PCSK5: variants seen among roughly 807,000 people sequenced by gnomAD.
PCSK5 encodes the protein proprotein convertase subtilisin/kexin type 5, also known as prohormone convertase 5.
In PCSK5, 129 loss-of-function variants were observed where a neutral mutation model predicts 233.2. The observed-to-expected ratio is 0.55, with a 90% CI of 0.48 to 0.64. The LOEUF (loss-of-function observed/expected upper bound fraction) is 0.64, where lower values mean the gene tolerates loss of function less well. PCSK5 is among the 30% of genes least tolerant of loss of function. The pLI, the probability that PCSK5 is intolerant of heterozygous loss-of-function variation, is 0.00. For synonymous variants in PCSK5, 825 were observed against 879.2 expected (o/e 0.94, Z 1.09); for missense variants, 2,076 against 2,430.1 (o/e 0.85, Z 3.06).
intron 24 of PCSK5, among the ~76,000 whole-genome samples, chr9:76,271,658 A>G (rs1426045625): frequency 6.6e-6 from 1 of 152,120 alleles, no homozygotes; most frequent in Admixed American, 6.5e-5. Flanking sequence ...CAACATAGCA[A>G]GACCCCATTT....
At chr9:76,353,457 T>C (rs1010863146) in intron 36 of PCSK5, among the ~76,000 whole-genome samples, 1 of 152,168 alleles carries the variant, frequency 6.6e-6, no homozygotes, top group Non-Finnish European at 1.5e-5. Context: ...AAAACCACAG[T>C]GTAAGCTTGA....
At chr9:76,346,440 G>A (rs550983663) in intron 35 of PCSK5, among the ~76,000 whole-genome samples, 6 of 152,226 alleles carry the variant, frequency 3.9e-5, no homozygotes, top group Non-Finnish European at 7.4e-5. Context: ...AGGAGTTAGT[G>A]GGTAAATCCT....
intron 1 of PCSK5, among the ~76,000 whole-genome samples, chr9:75,926,176 T>C (rs1412706867): frequency 6.6e-6 from 1 of 152,184 alleles, no homozygotes; most frequent in Non-Finnish European, 1.5e-5. Context: ...AGTCACTCTA[T>C]GGATTGCAAA....
At chr9:75,975,331 C>G (rs1190297090) in intron 2 of PCSK5, among the ~76,000 whole-genome samples, 1 of 151,932 alleles carries the variant, frequency 6.6e-6, no homozygotes, top group East Asian at 1.9e-4. Flanking sequence ...GAGTGTTTCT[C>G]TCCATAGAAA....
intron 24 of PCSK5, among the ~76,000 whole-genome samples, chr9:76,284,302 C>T (rs1239458048): frequency 1.3e-5 from 2 of 152,042 alleles, no homozygotes; most frequent in African/African-American, 2.4e-5. Flanking sequence ...GGGAGGGACC[C>T]GGTGGGGGGT....
intron 8 of PCSK5, among the ~76,000 whole-genome samples, chr9:76,099,794 G>A (rs1831683552): frequency 6.6e-6 from 1 of 152,158 alleles, no homozygotes; most frequent in African/African-American, 2.4e-5. Flanking sequence ...CTACAGGAAT[G>A]GCAGTGCCTG....
chr9:76,118,228 T>A (rs1832505203), intron 9 of PCSK5, among the ~76,000 whole-genome samples: 1 of 152,112 alleles, frequency 6.6e-6, no homozygotes. Flanking sequence ...GAGATGCTAT[T>A]CAGTGAGAGT....
At chr9:76,090,729 T>TG (rs1460662077) in intron 7 of PCSK5, among the ~76,000 whole-genome samples, 3 of 152,134 alleles carry the variant, frequency 2.0e-5, no homozygotes, top group Non-Finnish European at 4.4e-5. Flanking sequence ...TTTCACAGAA[T>TG]GGGGGGTTGA....
At chr9:75,999,527 A>G (rs753655460) in intron 3 of PCSK5, among the ~76,000 whole-genome samples, 25 of 152,374 alleles carry the variant, frequency 1.6e-4, no homozygotes, top group South Asian at 4.1e-4. Flanking sequence ...AATTAGAGGA[A>G]TAGGTTGGGC....
intron 5 of PCSK5, among the ~76,000 whole-genome samples, chr9:76,049,099 TAAA>T (rs33912681): frequency 1.0e-4 from 15 of 146,544 alleles, no homozygotes; most frequent in African/African-American, 3.7e-4. Flanking sequence ...TTCAAAGGGT[TAAA>T]AAAAAAAATA....
chr9:76,340,158 C>A (rs906359010), intron 35 of PCSK5, among the ~76,000 whole-genome samples: 2 of 152,096 alleles, frequency 1.3e-5, no homozygotes, highest in Admixed American at 6.6e-5. Flanking sequence ...TTTAATTAAA[C>A]AAGTCCATCC....
At chr9:76,178,379 G>A (rs551170701) in intron 14 of PCSK5, among the ~76,000 whole-genome samples, 1 of 152,254 alleles carries the variant, frequency 6.6e-6, no homozygotes, top group East Asian at 1.9e-4. Flanking sequence ...TACGTGATTT[G>A]CTACATCTAA....
chr9:76,299,906 G>C (rs1170387332), intron 27 of PCSK5, among the ~76,000 whole-genome samples: 4 of 152,114 alleles, frequency 2.6e-5, no homozygotes, highest in African/African-American at 9.7e-5. Flanking sequence ...GGTTTCCCCC[G>C]GTAGTGCTGG....
chr9:76,308,330 G>C (rs139236976), intron 28 of PCSK5, among the ~76,000 whole-genome samples: 158 of 152,336 alleles, frequency 1.0e-3, no homozygotes, highest in African/African-American at 3.4e-3. Context: ...ACACACAAAA[G>C]AAGTAATTAT....
intron 2 of PCSK5, among the ~76,000 whole-genome samples, chr9:75,940,637 C>T (rs1249885051): frequency 2.0e-5 from 3 of 152,186 alleles, no homozygotes; most frequent in Non-Finnish European, 2.9e-5. Context: ...CTCTTTTTGC[C>T]TCAAGAGTAA....
chr9:76,148,131 A>G (rs1163367184), intron 10 of PCSK5, among the ~76,000 whole-genome samples: 1 of 151,128 alleles, frequency 6.6e-6, no homozygotes, highest in Non-Finnish European at 1.5e-5. Flanking sequence ...TACAACTTTG[A>G]CCCATCTCCT....
rs548287595 is a variant in PCSK5, at chr9:76,157,525, T to C, written c.1430+363T>C. ...TACTGCGTAGTTATCCAAAGAGTGG[T>C]ACAAAATGTACGGTAAAAGAGATTG... On this transcript the variant is annotated intron_variant, in intron 11 of 37. Coordinates refer to ENST00000674117, the MANE Select transcript of PCSK5 (RefSeq NM_001372043.1). Among the ~76,000 whole-genome samples, 148 of 150,276 alleles carry C rather than the reference T, an allele frequency of 9.8e-4. 4 individuals carry two copies. Among genetic ancestry groups the C allele is most frequent in the African/African-American group, 3.6e-3 (144 of 39,686 alleles).
chr9:75,947,218 T>G (rs1824617646), intron 2 of PCSK5, among the ~76,000 whole-genome samples: 1 of 152,120 alleles, frequency 6.6e-6, no homozygotes, highest in Non-Finnish European at 1.5e-5. Flanking sequence ...GTTAAAAACT[T>G]TATGTGGCTT....
chr9:76,137,415 T>C (rs1403448627), intron 10 of PCSK5, among the ~76,000 whole-genome samples: 1 of 152,120 alleles, frequency 6.6e-6, no homozygotes, highest in African/African-American at 2.4e-5. Context: ...GCACCTTAAT[T>C]TTCAACAATT....
Sources: gnomAD v4.1 joint callset for allele counts (sites outside exome capture counted in the v4.1 genomes callset) on GRCh38, gnomAD v4.1.1 for gene constraint, MANE v1.5 for transcripts, NCBI Gene and HGNC (gene_info 2026-07-23, HGNC 2026-07-21) for gene names.